LRRC7: variants seen among roughly 807,000 people sequenced by gnomAD.
The protein encoded by LRRC7 is leucine rich repeat containing 7, also known as leucine-rich repeat-containing protein 7.
In LRRC7, 23 loss-of-function variants were observed where a neutral mutation model predicts 175.7. The ratio of observed to expected loss-of-function variants is 0.13; its 90% CI spans 0.09 to 0.19. The LOEUF is 0.19. Ranked by LOEUF, LRRC7 falls within the 10% of genes least tolerant of loss-of-function variation. The probability of loss-of-function intolerance (pLI) is 1.00; values close to 1 mark genes in which losing one functional copy is unlikely to be tolerated. For synonymous variants in LRRC7, 685 were observed against 680.9 expected (o/e 1.01, Z -0.09); for missense variants, 1,354 against 1,904.7 (o/e 0.71, Z 5.38).
At chr1:69,841,301 G>A (rs1681703529) in intron 7 of LRRC7, among the ~76,000 whole-genome samples, 1 of 152,036 alleles carries the variant, frequency 6.6e-6, no homozygotes, top group African/African-American at 2.4e-5. Context: ...GTGCATCTAA[G>A]ACAGAAGCCT....
chr1:69,791,025 T>C (rs1240837204), intron 3 of LRRC7, among the ~76,000 whole-genome samples: 3 of 151,950 alleles, frequency 2.0e-5, no homozygotes, highest in Non-Finnish European at 4.4e-5. Flanking sequence ...GGAGAACAAA[T>C]GGTAGTTAAA....
intron 11 of LRRC7, among the ~76,000 whole-genome samples, chr1:69,996,313 A>G (rs543067753): frequency 6.6e-6 from 1 of 152,290 alleles, no homozygotes; most frequent in Non-Finnish European, 1.5e-5. Flanking sequence ...GTCCTTTGTC[A>G]GATGAGTAGG....
intron 1 of LRRC7, among the ~76,000 whole-genome samples, chr1:69,665,254 C>T (rs957177370): frequency 6.6e-6 from 1 of 151,962 alleles, no homozygotes; most frequent in African/African-American, 2.4e-5. Flanking sequence ...CTTCAGTTTC[C>T]TTCTTTTGCT....
chr1:69,979,798 A>T (rs17505598), intron 8 of LRRC7, among the ~76,000 whole-genome samples: 6,606 of 152,044 alleles, frequency 0.043, 166 homozygotes, highest in South Asian at 0.1. Flanking sequence ...TATTCATCTT[A>T]TGCATAGTAT....
chr1:69,822,703 G>C (rs954722416), intron 4 of LRRC7, among the ~76,000 whole-genome samples: 27 of 152,166 alleles, frequency 1.8e-4, no homozygotes, highest in African/African-American at 6.3e-4. Context: ...TCCTGGCATT[G>C]AGCTGTGCTA....
intron 7 of LRRC7, among the ~76,000 whole-genome samples, chr1:69,906,182 C>G (rs1646303087): frequency 6.6e-6 from 1 of 152,074 alleles, no homozygotes; most frequent in African/African-American, 2.4e-5. Flanking sequence ...GAGTAGGTTG[C>G]AAAATTTTTT....
chr1:69,589,963 C>G (rs959203337), intron 1 of LRRC7, among the ~76,000 whole-genome samples: 9 of 152,132 alleles, frequency 5.9e-5, no homozygotes, highest in African/African-American at 2.2e-4. Context: ...ATTAAACACT[C>G]TATTTTGAAA....
chr1:69,618,410 C>A (rs979012068), intron 1 of LRRC7, among the ~76,000 whole-genome samples: 6 of 152,230 alleles, frequency 3.9e-5, no homozygotes, highest in African/African-American at 1.4e-4. Flanking sequence ...AGCAACTATA[C>A]CCAAAGTTCT....
At chr1:70,005,890 A>C (rs1057398706) in intron 11 of LRRC7, among the ~76,000 whole-genome samples, 2 of 152,048 alleles carry the variant, frequency 1.3e-5, no homozygotes, top group African/African-American at 4.8e-5. Context: ...TTTGGGAAAC[A>C]CTGCTTTAAA....
At chr1:69,609,411 T>G (rs1044939144) in intron 1 of LRRC7, among the ~76,000 whole-genome samples, 4 of 152,078 alleles carry the variant, frequency 2.6e-5, no homozygotes, top group African/African-American at 9.7e-5. Flanking sequence ...TTAGTTTATC[T>G]TAATTTTTTT....
intron 2 of LRRC7, among the ~76,000 whole-genome samples, chr1:69,755,510 A>C (rs1670319014): frequency 6.7e-6 from 1 of 150,238 alleles, no homozygotes; most frequent in Non-Finnish European, 1.5e-5. Context: ...ATATATATTT[A>C]TATAAATGCA....
intron 1 of LRRC7, among the ~76,000 whole-genome samples, chr1:69,671,396 C>A (rs1299815942): frequency 6.6e-6 from 1 of 152,132 alleles, no homozygotes; most frequent in East Asian, 1.9e-4. Context: ...TTACTCTTTT[C>A]TTTCCTCTCC....
intron 7 of LRRC7, among the ~76,000 whole-genome samples, chr1:69,926,799 C>A (rs1019212526): frequency 6.6e-6 from 1 of 152,068 alleles, no homozygotes; most frequent in Non-Finnish European, 1.5e-5. Context: ...AGCATTTAGC[C>A]CATTTACATT....
chr1:70,022,582 C>T (rs974236187), intron 16 of LRRC7, among the ~76,000 whole-genome samples: 1 of 152,054 alleles, frequency 6.6e-6, no homozygotes, highest in African/African-American at 2.4e-5. Flanking sequence ...TCTGTATTTA[C>T]ATTTGGTTTA....
At chr1:70,095,062 T>C (rs979803155) in intron 25 of LRRC7, among the ~76,000 whole-genome samples, 2 of 152,230 alleles carry the variant, frequency 1.3e-5, no homozygotes, top group Non-Finnish European at 2.9e-5. Context: ...ATTTATTGTA[T>C]ATGTTTCTAA....
At chr1:69,633,137 A>G (rs1652771081) in intron 1 of LRRC7, among the ~76,000 whole-genome samples, 1 of 152,030 alleles carries the variant, frequency 6.6e-6, no homozygotes, top group South Asian at 2.1e-4. Context: ...ACCTGGAACT[A>G]TTAAATCAAC....
At chr1:69,965,861 CAGAA>C (rs1651614317) in intron 8 of LRRC7, among the ~76,000 whole-genome samples, 1 of 152,022 alleles carries the variant, frequency 6.6e-6, no homozygotes, top group Non-Finnish European at 1.5e-5. Context: ...TTTCGTGTAT[CAGAA>C]AGAATTTCCA....
intron 2 of LRRC7, among the ~76,000 whole-genome samples, chr1:69,724,265 C>T (rs1040335931): frequency 1.3e-5 from 2 of 152,098 alleles, no homozygotes; most frequent in Non-Finnish European, 2.9e-5. Flanking sequence ...TCGCTTGAAC[C>T]CAGCAGGCGG....
rs1666894650 is a variant in LRRC7 at position 70,136,801 on chromosome 1, C to T, written c.*14914C>T. Among the ~76,000 whole-genome samples the T allele has an allele frequency of 6.9e-6, 1 of 145,172 alleles. No homozygotes were observed. Among genetic ancestry groups the T allele is most frequent in the Non-Finnish European group, 1.5e-5 (1 of 67,174 alleles). On this transcript the variant is annotated 3_prime_UTR_variant, in exon 27 of 27. Transcript: ENST00000651989. ...TTGGAGTGCAGTGGCATGATCATGG[C>T]CCACTGCAGCCTTGACCACCTGGGC...
Sources: allele counts gnomAD v4.1 joint callset (sites outside exome capture counted in the v4.1 genomes callset), GRCh38; gene constraint gnomAD v4.1.1; transcripts MANE v1.5; gene names NCBI Gene and HGNC (gene_info 2026-07-23, HGNC 2026-07-21).